The following NDST3 variants were observed in gnomAD, a reference collection of about 807,000 sequenced individuals.
NDST3 encodes the protein N-deacetylase and N-sulfotransferase 3.
NDST3 carries 58 observed loss-of-function variants against 96.1 expected under a neutral mutation model. The ratio of observed to expected loss-of-function variants is 0.60; its 90% CI spans 0.49 to 0.75. The LOEUF is 0.75. Among genes scored for constraint, NDST3 ranks in the 30% least tolerant of loss-of-function variants. The pLI, the probability that NDST3 is intolerant of heterozygous loss-of-function variation, is 0.00. For missense variants in NDST3, 788 were observed against 1,034.2 expected, an observed-to-expected ratio of 0.76 and a Z score of 3.27; for synonymous variants, 333 against 359.7, an observed-to-expected ratio of 0.93 and a Z score of 0.84.
intron 12 of NDST3, among the ~76,000 whole-genome samples, chr4:118,244,098 G>C (rs539729412): frequency 6.6e-6 from 1 of 152,284 alleles, no homozygotes; most frequent in East Asian, 1.9e-4. Context: ...TGGAGATACT[G>C]TGTTTCCATT....
At chr4:118,173,225 G>A (rs1295173821) in intron 6 of NDST3, among the ~76,000 whole-genome samples, 1 of 151,870 alleles carries the variant, frequency 6.6e-6, no homozygotes, top group Non-Finnish European at 1.5e-5. Flanking sequence ...TGTTAGATGA[G>A]GAAACTGAAA....
rs397828339 is a variant in NDST3 at position 118,114,800 on chromosome 4, C to CT, written c.1070-5dup. On this transcript the variant is annotated splice_polypyrimidine_tract_variant and splice_region_variant and intron_variant, in intron 3 of 13. Coordinates refer to ENST00000296499, the MANE Select transcript of NDST3 (RefSeq NM_004784.3). Reference sequence around the variant, plus strand: ...AATTAATTGGATAATATTTCCCCCCCTAAAGGAACTGAAGAGGAAGATGAA... The same window carrying CT: ...AATTAATTGGATAATATTTCCCCCCCTTAAAGGAACTGAAGAGGAAGATGAA... The CT allele has an allele frequency of 2.7e-5, 43 of 1,613,226 alleles. No homozygotes were observed. Among genetic ancestry groups the CT allele is most frequent in the Non-Finnish European group, 3.6e-5 (42 of 1,179,524 alleles).
At chr4:118,155,927 T>G (rs2125919857) in intron 6 of NDST3, among the ~76,000 whole-genome samples, 1 of 152,320 alleles carries the variant, frequency 6.6e-6, no homozygotes, top group South Asian at 2.1e-4. Context: ...GAAATGAATA[T>G]TATGTTATTC....
At chr4:118,127,258 C>T (rs538266976) in intron 4 of NDST3, among the ~76,000 whole-genome samples, 24 of 151,956 alleles carry the variant, frequency 1.6e-4, no homozygotes, top group African/African-American at 5.5e-4. Context: ...TTACCCAAGA[C>T]ATTTTTGCCA....
intron 12 of NDST3, among the ~76,000 whole-genome samples, chr4:118,251,087 T>A (rs892966979): frequency 7.3e-6 from 1 of 136,214 alleles, no homozygotes; most frequent in Non-Finnish European, 1.6e-5. Flanking sequence ...AGCTATAAAT[T>A]TTTTATTTAT....
chr4:118,033,602 C>G (rs1723991958), upstream of NDST3: 1 of 151,848 alleles, frequency 6.6e-6, no homozygotes, highest in African/African-American at 2.4e-5. Flanking sequence ...CGGCGGCTCC[C>G]GCCCGGGAGG....
intron 6 of NDST3, among the ~76,000 whole-genome samples, chr4:118,222,292 C>A (rs1004965516): frequency 6.6e-6 from 1 of 151,804 alleles, no homozygotes; most frequent in African/African-American, 2.4e-5. Flanking sequence ...CAATTATGTT[C>A]CTTAATGTGC....
intron 3 of NDST3, among the ~76,000 whole-genome samples, chr4:118,105,351 T>C (rs940363870): frequency 2.0e-5 from 3 of 152,182 alleles, no homozygotes; most frequent in Non-Finnish European, 4.4e-5. Context: ...AGTACATAAA[T>C]AGTAAATGTG....
intron 6 of NDST3, among the ~76,000 whole-genome samples, chr4:118,159,635 A>G (rs1480964146): frequency 1.3e-5 from 2 of 152,248 alleles, no homozygotes; most frequent in Non-Finnish European, 2.9e-5. Flanking sequence ...ACGAGAATTC[A>G]AAATAATCAT....
intron 9 of NDST3, among the ~76,000 whole-genome samples, chr4:118,235,502 T>C (rs951878702): frequency 1.3e-5 from 2 of 151,202 alleles, no homozygotes; most frequent in South Asian, 2.1e-4. Context: ...CTTGAGGAGG[T>C]TTTCAAAGCC....
intron 6 of NDST3, among the ~76,000 whole-genome samples, chr4:118,213,777 AAAC>A (rs1158722292): frequency 1.3e-5 from 2 of 150,868 alleles, no homozygotes; most frequent in Non-Finnish European, 3.0e-5. Flanking sequence ...TTAAATATGA[AAAC>A]AATTCAGAAT....
Position 118,105,008 on chromosome 4 carries a change from T to C in NDST3, c.982-10T>C. 1 of 1,609,210 alleles carries C rather than the reference T, an allele frequency of 6.2e-7. No individual in the cohort carries two copies. The highest frequency in any genetic ancestry group is 8.5e-7 in the Non-Finnish European group (1 of 1,176,804). On this transcript the variant is annotated splice_polypyrimidine_tract_variant and intron_variant, in intron 2 of 13. Transcript: ENST00000296499. ...TTTACCTGATACATTTTTTAAATTATGTATTTCAGGCCCTGCTTGATACTC... is the reference window on the plus strand; with the variant it reads ...TTTACCTGATACATTTTTTAAATTACGTATTTCAGGCCCTGCTTGATACTC...
intron 2 of NDST3, among the ~76,000 whole-genome samples, chr4:118,074,762 C>A (rs537363011): frequency 7.2e-5 from 11 of 152,110 alleles, no homozygotes; most frequent in African/African-American, 2.7e-4. Context: ...CTGATATGTA[C>A]AAATTTGATC....
chr4:118,212,375 CAA>C lies in NDST3; in HGVS notation c.1540-12110_1540-12109del, dbSNP rs958859913. Among the ~76,000 whole-genome samples, 82 of 151,796 alleles carry C rather than the reference CAA, an allele frequency of 5.4e-4. 1 individual carries two copies. Among genetic ancestry groups the C allele is most frequent in the Admixed American group, 5.3e-4 (8 of 15,234 alleles). ...GCAACATGGCGAAACCCCATTTCTA[CAA>C]AAAAATACAATAATTAGCCAGGCAT... On this transcript the variant is annotated intron_variant, in intron 6 of 13. Transcript: ENST00000296499.
At chr4:118,211,385 C>CA (rs1445379837) in intron 6 of NDST3, among the ~76,000 whole-genome samples, 1 of 152,062 alleles carries the variant, frequency 6.6e-6, no homozygotes, top group Non-Finnish European at 1.5e-5. Context: ...AAGATTATTT[C>CA]ATTCATTTTA....
chr4:118,104,922 A>G lies in NDST3; in HGVS notation c.982-96A>G. On this transcript the variant is annotated intron_variant, in intron 2 of 13. Coordinates refer to ENST00000296499, the MANE Select transcript of NDST3 (RefSeq NM_004784.3). ...CATTTAATTCTCACATGTATAAGGA[A>G]CTGGTTTTATCCTCTGAATGCAAAA... 1.7e-5 allele frequency: 15 copies of G among 891,316 alleles called. No individual in the cohort carries two copies. In the South Asian group the frequency reaches 2.4e-4, roughly 14 times the overall value. The allele number at this position is 891,316 out of a possible 1,614,324, so 55.2% of individuals were successfully genotyped here. A position where few individuals can be genotyped will look rare whatever the true frequency, so the allele number is the denominator to read the frequency against.
intron 10 of NDST3, among the ~76,000 whole-genome samples, chr4:118,239,394 C>T (rs778810134): frequency 2.0e-5 from 3 of 152,088 alleles, no homozygotes; most frequent in Non-Finnish European, 4.4e-5. Flanking sequence ...CGAGTGGAGA[C>T]ATCCTGGAAA....
chr4:118,054,416 A>G lies in NDST3; in HGVS notation c.506A>G (p.Glu169Gly). Residue 169 changes from glutamate to glycine, a missense_variant, in exon 2 of 14, where the codon GAG (glutamate) becomes GGG (glycine). Physicochemically the swap from Glu to Gly is moderately conservative, Grantham distance 98 (BLOSUM62 -2). Around this residue, in one of 3 missense-constraint regions of NDST3, gnomAD observed 234 missense variants for 256.9 expected, o/e 0.91. Transcript: ENST00000296499. ...VGVIGFHKTSEKSVQSFQLKG... is the reference protein window; with the variant it reads ...VGVIGFHKTSGKSVQSFQLKG... ...GTCATTGGATTCCACAAAACTAGTGAGAAGAGTGTACAGAGCTTTCAGTTA... is the reference window on the plus strand; with the variant it reads ...GTCATTGGATTCCACAAAACTAGTGGGAAGAGTGTACAGAGCTTTCAGTTA... The G allele has an allele frequency of 4.3e-6, 7 of 1,613,150 alleles. No homozygotes were observed. Among genetic ancestry groups the G allele is most frequent in the Non-Finnish European group, 5.9e-6 (7 of 1,179,440 alleles).
chr4:118,238,455 A>G (rs1002439660), intron 10 of NDST3, among the ~76,000 whole-genome samples: 1 of 152,214 alleles, frequency 6.6e-6, no homozygotes, highest in African/African-American at 2.4e-5. Context: ...TTCGGTGATA[A>G]TTTAACCACC....
Sources: allele counts gnomAD v4.1 joint callset (sites outside exome capture counted in the v4.1 genomes callset), GRCh38; gene constraint gnomAD v4.1.1; regional missense constraint gnomAD v4.1.1; transcripts MANE v1.5; gene names NCBI Gene and HGNC (gene_info 2026-07-23, HGNC 2026-07-21).